AGAP1: variants seen among roughly 807,000 people sequenced by gnomAD.
The protein encoded by AGAP1 is ArfGAP with GTPase domain, ankyrin repeat and PH domain 1, also known as arf-GAP with GTPase, ANK repeat and PH domain-containing protein 1.
A neutral mutation model predicts 105.3 loss-of-function variants in AGAP1; 29 were observed. That is an observed-to-expected ratio of 0.28 (90% CI 0.21 to 0.38). The LOEUF (loss-of-function observed/expected upper bound fraction) is 0.38. Ranked by LOEUF, AGAP1 falls within the 10% of genes least tolerant of loss-of-function variation. The pLI, the probability that AGAP1 is intolerant of heterozygous loss-of-function variation, is 1.00. For synonymous variants in AGAP1, 509 were observed against 485.9 expected (o/e 1.05, Z -0.63); for missense variants, 998 against 1,165.1 (o/e 0.86, Z 2.09).
rs554525708 is a variant in AGAP1, at chr2:236,014,410, C to T, written c.1646-22151C>T. 2.6e-5 allele frequency among the ~76,000 whole-genome samples: 4 copies of T among 152,168 alleles called. No homozygotes were observed. Among genetic ancestry groups the T allele is most frequent in the South Asian group, 2.1e-4 (1 of 4,824 alleles). ...ATTTGACATGCTCCTAATATTTGGC[C>T]GAATCAAAGGGCTTGTGGCGACTGG... On this transcript the variant is annotated intron_variant, in intron 13 of 17. Transcript: ENST00000304032. This position sits in a 1 kb window ranked among gnomAD's most constrained non-coding sequence, Gnocchi z 6.3.
intron 13 of AGAP1, among the ~76,000 whole-genome samples, chr2:235,968,875 C>T (rs1057299410): frequency 3.3e-5 from 5 of 152,166 alleles, no homozygotes; most frequent in Non-Finnish European, 5.9e-5. Flanking sequence ...GGTAGGAGTG[C>T]TGGTCTCCCA....
At chr2:235,968,007 AG>A (rs1331794615) in intron 12 of AGAP1, among the ~76,000 whole-genome samples, 3 of 152,376 alleles carry the variant, frequency 2.0e-5, no homozygotes, top group East Asian at 3.9e-4. Context: ...GCCGGAAGAA[AG>A]GATCAGGAAT....
intron 1 of AGAP1, among the ~76,000 whole-genome samples, chr2:235,627,354 A>G (rs563744953): frequency 4.6e-5 from 7 of 152,008 alleles, no homozygotes; most frequent in Admixed American, 1.3e-4. Flanking sequence ...CCTCCTGAGT[A>G]GCTGGGATCA....
rs1033168495 is a variant in AGAP1 at position 236,046,434 on chromosome 2, C to T, written c.1892-2625C>T. Reference sequence around the variant, plus strand: ...GAGGACGCCCATGGGAGCATAAGTTCGAGAAGAAAGCGTTGGACTTATGAG... The same window carrying T: ...GAGGACGCCCATGGGAGCATAAGTTTGAGAAGAAAGCGTTGGACTTATGAG... On this transcript the variant is annotated intron_variant, in intron 15 of 17. Transcript: ENST00000304032. The surrounding 1 kb of genome is among the most constrained non-coding windows in gnomAD (Gnocchi z 5.2). Among the ~76,000 whole-genome samples the T allele has an allele frequency of 3.9e-5, 6 of 152,024 alleles. No individual in the cohort carries two copies. The highest frequency in any genetic ancestry group is 1.2e-4 in the African/African-American group (5 of 41,390).
Position 235,520,708 on chromosome 2 carries a change from G to A in AGAP1, c.163+25859G>A, listed in dbSNP as rs1207322262. ...TTAAGATGAGATAATTCTATGAAGA[G>A]TACCTTTCGGGTCATGTAGGAAAGG... On this transcript the variant is annotated intron_variant, in intron 1 of 17. Coordinates refer to ENST00000304032, the MANE Select transcript of AGAP1 (RefSeq NM_001037131.3). Among the ~76,000 whole-genome samples the A allele has an allele frequency of 2.6e-5, 4 of 152,276 alleles. 1 individual carries two copies. Among genetic ancestry groups the A allele is most frequent in the African/African-American group, 9.6e-5 (4 of 41,566 alleles).
At chr2:235,500,158 G>A (rs949534953) in intron 1 of AGAP1, among the ~76,000 whole-genome samples, 1 of 152,134 alleles carries the variant, frequency 6.6e-6, no homozygotes, top group African/African-American at 2.4e-5. Context: ...CAGATCAGCT[G>A]TCTACAACAG....
At chr2:235,634,103 A>G (rs910860676) in intron 1 of AGAP1, among the ~76,000 whole-genome samples, 5 of 152,210 alleles carry the variant, frequency 3.3e-5, no homozygotes, top group African/African-American at 1.2e-4. Context: ...GGGAAGCGGT[A>G]GCTGAGGCTT....
chr2:235,896,776 G>A (rs2050826653), intron 10 of AGAP1, among the ~76,000 whole-genome samples: 1 of 152,334 alleles, frequency 6.6e-6, no homozygotes, highest in East Asian at 1.9e-4. Flanking sequence ...CGCCATAAAA[G>A]TAGAAATGTT....
In AGAP1 at chr2:235,992,224, G is replaced by T. The variant is rs972484209; in HGVS notation, c.1645+23601G>T. On this transcript the variant is annotated intron_variant, in intron 13 of 17. Coordinates refer to ENST00000304032, the MANE Select transcript of AGAP1 (RefSeq NM_001037131.3). The surrounding 1 kb of genome is among the most constrained non-coding windows in gnomAD (Gnocchi z 4.8). ...GCCGGTCTTCCTGGGTCCATGTTGC[G>T]TGGTTAGGAGCGCAGCGGAGGAGCC... Among the ~76,000 whole-genome samples the T allele has an allele frequency of 3.9e-5, 6 of 151,998 alleles. No homozygotes were observed. Among genetic ancestry groups the T allele is most frequent in the Non-Finnish European group, 4.4e-5 (3 of 67,992 alleles).
intron 2 of AGAP1, among the ~76,000 whole-genome samples, chr2:235,713,284 T>A (rs1266368529): frequency 6.6e-6 from 1 of 152,144 alleles, no homozygotes; most frequent in Non-Finnish European, 1.5e-5. Context: ...AAAGAATAAT[T>A]AGTAGGTAGA....
Position 235,877,091 on chromosome 2 carries a change from C to T in AGAP1, c.1051-6254C>T, listed in dbSNP as rs1343881760. Reference sequence around the variant, plus strand: ...CAAACTCCTGACCTCATGATCCACCCGCCTCGGCCTCCCAAAGTGCTGGAA... The same window carrying T: ...CAAACTCCTGACCTCATGATCCACCTGCCTCGGCCTCCCAAAGTGCTGGAA... On this transcript the variant is annotated intron_variant, in intron 9 of 17. Coordinates refer to ENST00000304032, the MANE Select transcript of AGAP1 (RefSeq NM_001037131.3). The surrounding 1 kb of genome is among the most constrained non-coding windows in gnomAD (Gnocchi z 4.3). 3.3e-5 allele frequency among the ~76,000 whole-genome samples: 5 copies of T among 151,972 alleles called. No individual in the cohort carries two copies. The highest frequency in any genetic ancestry group is 7.4e-5 in the Non-Finnish European group (5 of 67,994).
chr2:235,682,455 G>A (rs867310182), intron 1 of AGAP1, among the ~76,000 whole-genome samples: 19 of 152,154 alleles, frequency 1.2e-4, no homozygotes, highest in South Asian at 8.3e-4. Flanking sequence ...AGATTCTCCT[G>A]CCTCAGCCTC....
In AGAP1 at chr2:235,621,285, G is replaced by A. The variant is rs770443204; in HGVS notation, c.164-87894G>A. Among the ~76,000 whole-genome samples the A allele has an allele frequency of 1.3e-5, 2 of 152,154 alleles. No homozygotes were observed. The highest frequency in any genetic ancestry group is 2.9e-5 in the Non-Finnish European group (2 of 68,026). On this transcript the variant is annotated intron_variant, in intron 1 of 17. Transcript: ENST00000304032. This position sits in a 1 kb window ranked among gnomAD's most constrained non-coding sequence, Gnocchi z 4.1. ...GATCCGCCCACCTCGGCCTCCCAAAGTGCTAGGATTACAGGTGTGAGCCAC... is the reference window on the plus strand; with the variant it reads ...GATCCGCCCACCTCGGCCTCCCAAAATGCTAGGATTACAGGTGTGAGCCAC...
intron 1 of AGAP1, among the ~76,000 whole-genome samples, chr2:235,533,761 G>A (rs1308171405): frequency 2.0e-5 from 3 of 152,186 alleles, no homozygotes; most frequent in African/African-American, 4.8e-5. Context: ...TGCTCCTGTC[G>A]CCTGGTTTCA....
chr2:235,542,632 CA>C, intron 1 of AGAP1, among the ~76,000 whole-genome samples: 2 of 151,604 alleles, frequency 1.3e-5, no homozygotes, highest in East Asian at 3.9e-4. Context: ...TTTACATGTA[CA>C]ATCATTTCAA....
intron 1 of AGAP1, among the ~76,000 whole-genome samples, chr2:235,497,625 C>G (rs570013381): frequency 2.0e-5 from 3 of 152,222 alleles, no homozygotes; most frequent in Non-Finnish European, 4.4e-5. Flanking sequence ...GAGACGGAGT[C>G]TCGCTCTGTC....
intron 1 of AGAP1, among the ~76,000 whole-genome samples, chr2:235,604,960 A>C (rs933695596): frequency 1.8e-4 from 27 of 151,678 alleles, no homozygotes; most frequent in African/African-American, 6.1e-4. Flanking sequence ...GGCTCACTGC[A>C]ACTTCTGTCT....
Position 235,844,968 on chromosome 2 carries a change from ACT to A in AGAP1, c.1050+37640_1050+37641del, listed in dbSNP as rs1218414754. Among the ~76,000 whole-genome samples the A allele has an allele frequency of 4.6e-5, 7 of 151,728 alleles. No homozygotes were observed. The South Asian group carries it at 1.3e-3, about 27-fold the overall frequency. Reference sequence around the variant, plus strand: ...TTACCTTTGCCGCCTCCCCCACTAGACTCTGATTTTTGTATGAGCAGCAATTA... The same window carrying A: ...TTACCTTTGCCGCCTCCCCCACTAGACTGATTTTTGTATGAGCAGCAATTA... On this transcript the variant is annotated intron_variant, in intron 9 of 17. Transcript: ENST00000304032.
At chr2:235,676,242 A>G (rs759115858) in intron 1 of AGAP1, among the ~76,000 whole-genome samples, 10 of 152,346 alleles carry the variant, frequency 6.6e-5, no homozygotes, top group South Asian at 4.1e-4. Context: ...GCATATCTCC[A>G]TTAGAGCACT....
Sources: gnomAD v4.1 joint callset for allele counts (sites outside exome capture counted in the v4.1 genomes callset) on GRCh38, gnomAD v4.1.1 for gene constraint, Gnocchi (gnomAD v3.1) non-coding constraint, MANE v1.5 for transcripts, NCBI Gene and HGNC (gene_info 2026-07-23, HGNC 2026-07-21) for gene names.